Variants in EFR3A observed in about 807,000 individuals in gnomAD.
The protein encoded by EFR3A is protein EFR3 homolog A.
A neutral mutation model predicts 104.4 loss-of-function variants in EFR3A; 76 were observed. The observed-to-expected ratio is 0.73, with a 90% CI of 0.60 to 0.88. The LOEUF (loss-of-function observed/expected upper bound fraction) is 0.88, where lower values mean the gene tolerates loss of function less well. Ranked by LOEUF, EFR3A falls within the 40% of genes least tolerant of loss-of-function variation. The probability of loss-of-function intolerance (pLI) is 0.00; values close to 1 mark genes in which losing one functional copy is unlikely to be tolerated. For synonymous variants in EFR3A, 330 were observed against 330.0 expected, an observed-to-expected ratio of 1.00 and a Z score of 0.00; for missense variants, 985 against 1,012.5, an observed-to-expected ratio of 0.97 and a Z score of 0.37.
chr8:132,002,196 C>T (rs1027319025), intron 20 of EFR3A, among the ~76,000 whole-genome samples: 3 of 152,174 alleles, frequency 2.0e-5, no homozygotes, highest in Non-Finnish European at 2.9e-5. Flanking sequence ...TTATTCCACT[C>T]AGTACCAAGA....
chr8:131,915,182 G>C (rs1332088991), intron 1 of EFR3A, among the ~76,000 whole-genome samples: 1 of 152,156 alleles, frequency 6.6e-6, no homozygotes, highest in Non-Finnish European at 1.5e-5. Context: ...TAAAAAGTTT[G>C]AGGTTTATAG....
At chr8:131,908,141 A>G (rs1816341804) in intron 1 of EFR3A, among the ~76,000 whole-genome samples, 1 of 151,400 alleles carries the variant, frequency 6.6e-6, no homozygotes. Context: ...GTTCACTGCA[A>G]CCTCCAAATC....
At chr8:131,944,505 A>G (rs1301152314) in intron 2 of EFR3A, among the ~76,000 whole-genome samples, 4 of 152,082 alleles carry the variant, frequency 2.6e-5, no homozygotes, top group Non-Finnish European at 5.9e-5. Context: ...ATAAAGGAAG[A>G]TGTTAGAGTC....
At chr8:131,965,168 T>C (rs1227811028) in intron 8 of EFR3A, among the ~76,000 whole-genome samples, 1 of 152,168 alleles carries the variant, frequency 6.6e-6, no homozygotes, top group Non-Finnish European at 1.5e-5. Flanking sequence ...AAGGACTTCA[T>C]GTCTAAAACA....
At chr8:131,972,995 G>A (rs1449394011) in intron 10 of EFR3A, among the ~76,000 whole-genome samples, 5 of 150,194 alleles carry the variant, frequency 3.3e-5, no homozygotes, top group East Asian at 2.0e-4. Flanking sequence ...GATACATGGG[G>A]CTCTCACCTT....
intron 1 of EFR3A, among the ~76,000 whole-genome samples, chr8:131,926,012 C>T (rs1817280952): frequency 6.6e-6 from 1 of 151,746 alleles, no homozygotes; most frequent in East Asian, 1.9e-4. Flanking sequence ...ATCACACTGT[C>T]AAGGCTAAAG....
At chr8:131,998,604 T>C (rs1345658297) in intron 19 of EFR3A, among the ~76,000 whole-genome samples, 1 of 152,040 alleles carries the variant, frequency 6.6e-6, no homozygotes, top group Non-Finnish European at 1.5e-5. Context: ...TTTGGTGAAC[T>C]TTTTCTAAAA....
intron 4 of EFR3A, among the ~76,000 whole-genome samples, chr8:131,947,129 A>G (rs1377193106): frequency 6.6e-6 from 1 of 152,038 alleles, no homozygotes; most frequent in African/African-American, 2.4e-5. Context: ...ATTATTTTAC[A>G]TTCCCACCAC....
intron 1 of EFR3A, among the ~76,000 whole-genome samples, chr8:131,926,636 T>A (rs1271422947): frequency 6.6e-6 from 1 of 152,096 alleles, no homozygotes; most frequent in Admixed American, 6.5e-5. Context: ...AGGGTATTTT[T>A]TGAGAAAGGA....
At chr8:131,919,120 A>C (rs1816876312) in intron 1 of EFR3A, among the ~76,000 whole-genome samples, 1 of 151,928 alleles carries the variant, frequency 6.6e-6, no homozygotes, top group Non-Finnish European at 1.5e-5. Context: ...AAAAATCTGC[A>C]GAAAGCCCCA....
chr8:131,964,666 A>G (rs866019092), intron 8 of EFR3A, among the ~76,000 whole-genome samples: 8 of 152,322 alleles, frequency 5.3e-5, no homozygotes, highest in South Asian at 2.1e-4. Context: ...TATAGATTCA[A>G]TGCCATCCCC....
At chr8:131,934,881 A>T (rs1324262655) in intron 1 of EFR3A, among the ~76,000 whole-genome samples, 1 of 152,102 alleles carries the variant, frequency 6.6e-6, no homozygotes, top group Non-Finnish European at 1.5e-5. Context: ...TGGAACTGTA[A>T]TATTGCTAAA....
chr8:131,945,702 C>G (rs1234235455), intron 3 of EFR3A, among the ~76,000 whole-genome samples: 9 of 151,988 alleles, frequency 5.9e-5, no homozygotes, highest in African/African-American at 2.2e-4. Flanking sequence ...GTATTTGTCA[C>G]ATGTACAGAA....
intron 8 of EFR3A, among the ~76,000 whole-genome samples, chr8:131,965,280 A>G (rs1819636899): frequency 6.6e-6 from 1 of 152,228 alleles, no homozygotes; most frequent in East Asian, 1.9e-4. Context: ...TCAACAGGCA[A>G]CCTACAGAAT....
intron 2 of EFR3A, among the ~76,000 whole-genome samples, chr8:131,942,610 G>A (rs750854914): frequency 6.6e-6 from 1 of 152,082 alleles, no homozygotes; most frequent in African/African-American, 2.4e-5. Context: ...CTATCATTGT[G>A]CCTGGCACAT....
At chr8:131,909,797 C>T (rs1448534944) in intron 1 of EFR3A, among the ~76,000 whole-genome samples, 5 of 152,154 alleles carry the variant, frequency 3.3e-5, no homozygotes, top group Admixed American at 2.6e-4. Context: ...CCCTCCTGCC[C>T]CAAGCTTCTG....
intron 1 of EFR3A, among the ~76,000 whole-genome samples, chr8:131,927,037 A>G (rs947492820): frequency 6.6e-6 from 1 of 152,130 alleles, no homozygotes; most frequent in Non-Finnish European, 1.5e-5. Flanking sequence ...TCTCAATGTA[A>G]CATTTCACCC....
chr8:131,955,739 G>C, intron 6 of EFR3A, 29 bp from the exon 7 acceptor site: 1 of 1,588,174 alleles, frequency 6.3e-7, no homozygotes, highest in Non-Finnish European at 8.6e-7. Context: ...AAATTCTTGT[G>C]TTTTTCTTTA....
intron 18 of EFR3A, among the ~76,000 whole-genome samples, chr8:131,988,334 T>G (rs540020453): frequency 5.3e-5 from 8 of 152,134 alleles, no homozygotes; most frequent in Non-Finnish European, 1.2e-4. Flanking sequence ...AATATTAAAT[T>G]TTGTAAGTGA....
Sources: allele counts gnomAD v4.1 joint callset (sites outside exome capture counted in the v4.1 genomes callset), GRCh38; gene constraint gnomAD v4.1.1; transcripts MANE v1.5; gene names NCBI Gene and HGNC (gene_info 2026-07-23, HGNC 2026-07-21).